Variants in SYT16 observed in about 807,000 individuals in gnomAD.
The protein encoded by SYT16 is synaptotagmin 16.
SYT16 carries 42 observed loss-of-function variants against 61.4 expected under a neutral mutation model. That is an observed-to-expected ratio of 0.68 (90% CI 0.53 to 0.89). The LOEUF is 0.89. Ranked by LOEUF, SYT16 falls within the 40% of genes least tolerant of loss-of-function variation. The probability of loss-of-function intolerance (pLI) is 0.00; values close to 1 mark genes in which losing one functional copy is unlikely to be tolerated. For missense variants in SYT16, 804 were observed against 807.3 expected (o/e 1.00, Z 0.05); for synonymous variants, 314 against 302.3 (o/e 1.04, Z -0.40).
rs217663 is a variant in SYT16, at chr14:61,812,756, T to C, written c.-379T>C. On this transcript the variant is annotated 5_prime_UTR_variant, in exon 1 of 8. Coordinates refer to ENST00000683842, the MANE Select transcript of SYT16 (RefSeq NM_001367656.1). ...CGCCCGGCCGGGCTCGGCGCCGGTT[T>C]CCCGAACCTGGGCGGCCGTCGGGCA... 0.46 allele frequency: 68,620 copies of C among 150,274 alleles called. 18,520 individuals are homozygous for C. Among genetic ancestry groups the C allele is most frequent in the African/African-American group, 0.75 (30,942 of 41,188 alleles). The allele number at this position is 150,274 out of a possible 1,614,324, so 9.3% of individuals were successfully genotyped here.
intron 1 of SYT16, among the ~76,000 whole-genome samples, chr14:61,964,936 T>G (rs1364514427): frequency 6.6e-6 from 1 of 151,882 alleles, no homozygotes; most frequent in African/African-American, 2.4e-5. Flanking sequence ...TTAATTAAGG[T>G]ATGCACATGG....
At chr14:62,058,340 C>CTTTT (rs796187620) in intron 3 of SYT16, among the ~76,000 whole-genome samples, 23 of 108,996 alleles carry the variant, frequency 2.1e-4, no homozygotes, top group East Asian at 5.3e-4. Context: ...TGTTTAAATT[C>CTTTT]TTTTTTTTTT....
rs564807642 is a variant in SYT16 at position 62,027,403 on chromosome 14, G to T, written c.523+30861G>T. ...TGGAGAGGAACCTCAGTTTCTGGTT[G>T]GTAGCTCTAGACCTAGGTCTGTATA... On this transcript the variant is annotated intron_variant, in intron 3 of 7. Coordinates refer to ENST00000683842, the MANE Select transcript of SYT16 (RefSeq NM_001367656.1). Among the ~76,000 whole-genome samples the T allele has an allele frequency of 4.6e-5, 7 of 152,294 alleles. No individual in the cohort carries two copies. In the East Asian group the frequency reaches 1.4e-3, roughly 29 times the overall value.
Position 62,100,780 on chromosome 14 carries a change from C to A in SYT16, c.*73C>A. 1 of 1,481,728 alleles carries A rather than the reference C, an allele frequency of 6.7e-7. No homozygotes were observed. The highest frequency in any genetic ancestry group is 9.1e-7 in the Non-Finnish European group (1 of 1,101,858). The allele number at this position is 1,481,728 out of a possible 1,614,324, so 91.8% of individuals were successfully genotyped here. A position where few individuals can be genotyped will look rare whatever the true frequency, so the allele number is the denominator to read the frequency against. On this transcript the variant is annotated 3_prime_UTR_variant, in exon 8 of 8. Transcript: ENST00000683842. ...TTGCTGTCTACTGACACTAAGTGTCCTGGCAAGGGTTTCAGGGTTTCAAAA... is the reference window on the plus strand; with the variant it reads ...TTGCTGTCTACTGACACTAAGTGTCATGGCAAGGGTTTCAGGGTTTCAAAA...
chr14:62,032,380 CT>C (rs1420086147), intron 3 of SYT16, among the ~76,000 whole-genome samples: 2 of 151,974 alleles, frequency 1.3e-5, no homozygotes, highest in South Asian at 2.1e-4. Flanking sequence ...GTATACCATC[CT>C]AAAAGTCTGT....
intron 1 of SYT16, chr14:61,864,733 TC>T: frequency 2.0e-6 from 2 of 993,386 alleles, no homozygotes; most frequent in Non-Finnish European, 1.5e-6. Flanking sequence ...GGACAACGTG[TC>T]CACTCGCTAC....
rs34375502 is a variant in SYT16, at chr14:61,891,242, G to GCACACACACACACA, written c.-325+78449_-325+78462dup. ...TGTGTGCACGTGCATACACACACGC[G>GCACACACACACACA]CACACACACACACACACACACACAC... is the stretch of plus-strand genomic sequence containing the variant. On this transcript the variant is annotated intron_variant, in intron 1 of 7. Transcript: ENST00000683842. Among the ~76,000 whole-genome samples the GCACACACACACACA allele has an allele frequency of 4.7e-4, 69 of 147,894 alleles. 1 individual carries two copies. The highest frequency in any genetic ancestry group is 1.3e-3 in the Admixed American group (20 of 14,852).
At chr14:61,813,311 A>G (rs910554424) in intron 1 of SYT16, among the ~76,000 whole-genome samples, 1 of 152,184 alleles carries the variant, frequency 6.6e-6, no homozygotes, top group Admixed American at 6.5e-5. Context: ...GCATCTGGTT[A>G]CCATGGTCAG....
chr14:61,826,419 A>G (rs1404355106), intron 1 of SYT16, among the ~76,000 whole-genome samples: 1 of 151,862 alleles, frequency 6.6e-6, no homozygotes, highest in East Asian at 1.9e-4. Flanking sequence ...TTATTTGAGA[A>G]CCTGCTGTAT....
At position 61,825,167 on chromosome 14, in the gene SYT16, T is replaced by C. The variant is rs142295535; in HGVS notation, c.-325+12357T>C. ...CTTGGTGGTTCTTTCACATTTGAGA[T>C]TGGGGCACCAAAACAGCTTGTAAGG... is the stretch of plus-strand genomic sequence containing the variant. On this transcript the variant is annotated intron_variant, in intron 1 of 7. Transcript: ENST00000683842. 9.4e-3 allele frequency among the ~76,000 whole-genome samples: 1,438 copies of C among 152,174 alleles called. 28 individuals are homozygous for C. Among genetic ancestry groups the C allele is most frequent in the African/African-American group, 0.033 (1,360 of 41,502 alleles).
At chr14:61,850,449 C>T (rs961725760) in intron 1 of SYT16, among the ~76,000 whole-genome samples, 1 of 152,018 alleles carries the variant, frequency 6.6e-6, no homozygotes, top group African/African-American at 2.4e-5. Context: ...TTGCATTTTT[C>T]TGATAGTGAT....
intron 6 of SYT16, among the ~76,000 whole-genome samples, chr14:62,083,720 C>T (rs1441912006): frequency 1.3e-5 from 2 of 152,118 alleles, no homozygotes; most frequent in African/African-American, 4.8e-5. Flanking sequence ...GGGTAGACGT[C>T]CAGTGGTCAT....
chr14:62,028,875 G>A (rs952565189), intron 3 of SYT16, among the ~76,000 whole-genome samples: 1 of 152,146 alleles, frequency 6.6e-6, no homozygotes, highest in African/African-American at 2.4e-5. Flanking sequence ...TGTGCATAAT[G>A]ACAGTACCTT....
intron 1 of SYT16, among the ~76,000 whole-genome samples, chr14:61,879,776 A>C (rs2047631236): frequency 6.6e-6 from 1 of 152,194 alleles, no homozygotes; most frequent in Non-Finnish European, 1.5e-5. Flanking sequence ...CAGGAGAAAA[A>C]TGCATAATTG....
intron 3 of SYT16, among the ~76,000 whole-genome samples, chr14:62,067,118 GTGTA>G (rs1233388270): frequency 6.6e-6 from 1 of 152,018 alleles, no homozygotes; most frequent in Non-Finnish European, 1.5e-5. Context: ...GTGTGTGTGT[GTGTA>G]TGTGTGTGTG....
intron 3 of SYT16, among the ~76,000 whole-genome samples, chr14:62,009,257 A>T (rs1016721714): frequency 2.4e-4 from 37 of 152,314 alleles, no homozygotes; most frequent in African/African-American, 8.7e-4. Flanking sequence ...GGCTCCTTTG[A>T]AACTTTAATG....
At chr14:62,042,197 C>G (rs946681129) in intron 3 of SYT16, among the ~76,000 whole-genome samples, 4 of 151,826 alleles carry the variant, frequency 2.6e-5, no homozygotes, top group Non-Finnish European at 5.9e-5. Context: ...GGGGTGGGAT[C>G]TTGCTATGTT....
chr14:61,940,166 G>A (rs1310410223), intron 1 of SYT16, among the ~76,000 whole-genome samples: 3 of 151,978 alleles, frequency 2.0e-5, no homozygotes, highest in African/African-American at 7.3e-5. Context: ...TTTCATTATT[G>A]TCCTTTTCAC....
chr14:61,926,196 A>G (rs1005421432), intron 1 of SYT16, among the ~76,000 whole-genome samples: 3 of 141,902 alleles, frequency 2.1e-5, no homozygotes, highest in Non-Finnish European at 3.3e-5. Flanking sequence ...TGCTAGAAGG[A>G]ATTTGCTTTC....
Sources: gnomAD v4.1 joint callset for allele counts (sites outside exome capture counted in the v4.1 genomes callset) on GRCh38, gnomAD v4.1.1 for gene constraint, MANE v1.5 for transcripts, NCBI Gene and HGNC (gene_info 2026-07-23, HGNC 2026-07-21) for gene names.